Variants in CPNE3 observed in about 807,000 individuals in gnomAD.
CPNE3 encodes copine-3.
In CPNE3, 68 loss-of-function variants were observed where a neutral mutation model predicts 63.9. The observed-to-expected ratio is 1.06, with a 90% CI of 0.87 to 1.30. The LOEUF is 1.30. Among genes scored for constraint, CPNE3 ranks in the 50% most tolerant of loss-of-function variants. The probability of loss-of-function intolerance (pLI) is 0.00; values close to 1 mark genes in which losing one functional copy is unlikely to be tolerated. For missense variants in CPNE3, 665 were observed against 578.1 expected (o/e 1.15, Z -1.54); for synonymous variants, 219 against 197.5 (o/e 1.11, Z -0.91).
chr8:86,515,731 T>A (rs1820284822), intron 2 of CPNE3, among the ~76,000 whole-genome samples: 1 of 152,190 alleles, frequency 6.6e-6, no homozygotes. Flanking sequence ...CTATGAGAAT[T>A]AAATTAGATC....
intron 9 of CPNE3, among the ~76,000 whole-genome samples, chr8:86,545,555 A>T (rs1452088868): frequency 6.6e-6 from 1 of 152,188 alleles, no homozygotes; most frequent in African/African-American, 2.4e-5. Flanking sequence ...AATTTCTAAT[A>T]CTCAACAATT....
chr8:86,534,516 C>G (rs1034912260), intron 6 of CPNE3, among the ~76,000 whole-genome samples: 6 of 151,950 alleles, frequency 3.9e-5, no homozygotes, highest in African/African-American at 1.5e-4. Context: ...ATTAGCTGGG[C>G]GTGGTGGTGC....
intron 2 of CPNE3, among the ~76,000 whole-genome samples, chr8:86,527,511 G>A (rs1820565997): frequency 6.6e-6 from 1 of 152,202 alleles, no homozygotes; most frequent in Admixed American, 6.5e-5. Flanking sequence ...CAAGTCATAA[G>A]GGAAGATGGG....
chr8:86,521,081 AT>A (rs1820426169), intron 2 of CPNE3, among the ~76,000 whole-genome samples: 1 of 152,188 alleles, frequency 6.6e-6, no homozygotes, highest in Non-Finnish European at 1.5e-5. Context: ...CGTAGTTTAA[AT>A]TCTTTTAATG....
chr8:86,548,855 A>G (rs1262502782), intron 12 of CPNE3, among the ~76,000 whole-genome samples: 1 of 151,440 alleles, frequency 6.6e-6, no homozygotes, highest in East Asian at 1.9e-4. Flanking sequence ...TACTATTTAT[A>G]AATACTAAAT....
At chr8:86,534,212 T>A (rs929658233) in intron 6 of CPNE3, among the ~76,000 whole-genome samples, 1 of 152,206 alleles carries the variant, frequency 6.6e-6, no homozygotes, top group Admixed American at 6.5e-5. Context: ...ACCTGGCAAT[T>A]GAATCTAGAA....
rs116937217 is a variant in CPNE3 at position 86,558,503 on chromosome 8, G to A, written c.*93G>A. On this transcript the variant is annotated 3_prime_UTR_variant, in exon 17 of 17. Transcript: ENST00000517490. ...TCATTCTACGTACTTTTTACCCCCA[G>A]CATTTATGATGTAAATCTCTTTCTC... 2.5e-4 allele frequency: 208 copies of A among 823,788 alleles called. 2 individuals carry two copies. The East Asian group carries it at 4.1e-3, about 16-fold the overall frequency. 51.0% of individuals were successfully genotyped at this position (823,788 alleles called of 1,614,324 possible).
intron 8 of CPNE3, among the ~76,000 whole-genome samples, chr8:86,543,976 A>G (rs902761394): frequency 6.6e-6 from 1 of 151,866 alleles, no homozygotes; most frequent in Non-Finnish European, 1.5e-5. Flanking sequence ...CTGTCTGTCA[A>G]CCTGTCACGA....
chr8:86,534,296 C>T (rs909626995), intron 6 of CPNE3, among the ~76,000 whole-genome samples: 1 of 152,092 alleles, frequency 6.6e-6, no homozygotes, highest in Non-Finnish European at 1.5e-5. Flanking sequence ...CATCAGGAGG[C>T]TCACACTGAC....
chr8:86,533,989 G>C (rs1820744888), intron 6 of CPNE3, among the ~76,000 whole-genome samples: 2 of 152,106 alleles, frequency 1.3e-5, no homozygotes, highest in Non-Finnish European at 2.9e-5. Flanking sequence ...GTTGGGCACA[G>C]GTGATGCACA....
Position 86,558,320 on chromosome 8 carries a change from G to A in CPNE3, c.1524G>A (p.Leu508=), listed in dbSNP as rs1248707216. ...APKEALAQCV[L]AEIPQQVVGY... ...AAGAAGCACTTGCTCAGTGTGTCTT[G>A]GCAGAGATTCCCCAGCAGGTGGTGG... The change falls in exon 17 of 17, where the codon TTG becomes TTA. Residue 508 remains leucine, a synonymous_variant. Coordinates refer to ENST00000517490, the MANE Select transcript of CPNE3 (RefSeq NM_003909.5). 1.1e-6 allele frequency: 1 copy of A among 872,870 alleles called. No homozygotes were observed. The highest frequency in any genetic ancestry group is 2.0e-6 in the Non-Finnish European group (1 of 501,660). 54.1% of individuals were successfully genotyped at this position (872,870 alleles called of 1,614,324 possible).
chr8:86,530,943 C>T (rs1820668016), intron 4 of CPNE3, among the ~76,000 whole-genome samples: 1 of 152,120 alleles, frequency 6.6e-6, no homozygotes, highest in Non-Finnish European at 1.5e-5. Flanking sequence ...CTGCCCGCCT[C>T]AGCCTCCCAA....
At chr8:86,519,102 A>G (rs1446144808) in intron 2 of CPNE3, among the ~76,000 whole-genome samples, 2 of 152,206 alleles carry the variant, frequency 1.3e-5, no homozygotes, top group African/African-American at 4.8e-5. Context: ...ATACCTCACT[A>G]AATGAACCTA....
intron 14 of CPNE3, among the ~76,000 whole-genome samples, chr8:86,552,965 C>CCCCCA (rs1821221583): frequency 7.3e-5 from 1 of 13,736 alleles, no homozygotes; most frequent in African/African-American, 1.4e-4. Context: ...ACAGCCCGCC[C>CCCCCA]CCCCCCCCCC....
At chr8:86,527,292 C>G (rs1035515442) in intron 2 of CPNE3, among the ~76,000 whole-genome samples, 1 of 152,140 alleles carries the variant, frequency 6.6e-6, no homozygotes, top group African/African-American at 2.4e-5. Flanking sequence ...ATGGGAAATG[C>G]AATGCCTAGT....
intron 4 of CPNE3, among the ~76,000 whole-genome samples, chr8:86,530,175 T>G (rs1820640902): frequency 6.6e-6 from 1 of 150,938 alleles, no homozygotes; most frequent in Non-Finnish European, 1.5e-5. Context: ...GAATCCTTTT[T>G]TTTTTTTTTT....
intron 8 of CPNE3, among the ~76,000 whole-genome samples, chr8:86,540,554 G>T (rs1173774077): frequency 1.3e-5 from 2 of 152,148 alleles, no homozygotes; most frequent in Non-Finnish European, 2.9e-5. Flanking sequence ...CTAATGCTTA[G>T]TCAAACAGTG....
intron 8 of CPNE3, among the ~76,000 whole-genome samples, chr8:86,541,014 A>C (rs1361806928): frequency 6.6e-6 from 1 of 152,220 alleles, no homozygotes; most frequent in Non-Finnish European, 1.5e-5. Flanking sequence ...AAACTTTTGT[A>C]CTAGAATTAT....
Position 86,548,196 on chromosome 8 carries a change from G to A in CPNE3, c.880-105G>A, listed in dbSNP as rs1182782161. 7.6e-6 allele frequency: 9 copies of A among 1,180,890 alleles called. 1 individual carries two copies. In the Admixed American group the frequency reaches 9.9e-5, roughly 13 times the overall value. The allele number at this position is 1,180,890 out of a possible 1,614,324, so 73.2% of individuals were successfully genotyped here. A position where few individuals can be genotyped will look rare whatever the true frequency, so the allele number is the denominator to read the frequency against. ...GTGGTAGGCATTTGTTAGGAAGTAGGCGCCAGGATGCATGATTGTATCCCA... is the reference window on the plus strand; with the variant it reads ...GTGGTAGGCATTTGTTAGGAAGTAGACGCCAGGATGCATGATTGTATCCCA... On this transcript the variant is annotated intron_variant, in intron 11 of 16. Coordinates refer to ENST00000517490, the MANE Select transcript of CPNE3 (RefSeq NM_003909.5).
Sources: allele counts gnomAD v4.1 joint callset (sites outside exome capture counted in the v4.1 genomes callset), GRCh38; gene constraint gnomAD v4.1.1; transcripts MANE v1.5; gene names NCBI Gene and HGNC (gene_info 2026-07-23, HGNC 2026-07-21).